MSH5: variants seen among roughly 807,000 people sequenced by gnomAD.
The protein encoded by MSH5 is mutS protein homolog 5.
In MSH5, 78 loss-of-function variants were observed where a neutral mutation model predicts 107.7. The ratio of observed to expected loss-of-function variants is 0.72; its 90% CI spans 0.60 to 0.87. MSH5 has a LOEUF of 0.87. MSH5 is among the 40% of genes least tolerant of loss of function. The pLI is 0.00. For synonymous variants in MSH5, 326 were observed against 399.5 expected, an observed-to-expected ratio of 0.82 and a Z score of 2.19; for missense variants, 889 against 1,046.6, an observed-to-expected ratio of 0.85 and a Z score of 2.08.
At position 31,758,230 on chromosome 6, in the gene MSH5, T is replaced by C. The variant is rs751049998; in HGVS notation, c.1080T>C (p.Phe360=). The change falls in exon 13 of 25, where the codon TTT becomes TTC. Residue 360 remains phenylalanine, a synonymous_variant. Coordinates refer to ENST00000375750, the MANE Select transcript of MSH5 (RefSeq NM_172166.4). The surrounding 1 kb of genome is among the most constrained non-coding windows in gnomAD (Gnocchi z 5.1). ...CRSLPQSIQL[F]RDIAQEFSDD... ...CCCTGCCGCAGTCCATCCAGCTCTT[T>C]CGGGACATTGCCCAAGAGTTCTCTG... The C allele has an allele frequency of 4.3e-6, 7 of 1,612,950 alleles. No homozygotes were observed. The South Asian group carries it at 7.7e-5, about 18-fold the overall frequency.
Position 31,759,829 on chromosome 6 carries a change from GGCACGA to G in MSH5, c.1543_1548del (p.Arg515_Ala516del), listed in dbSNP as rs1447700279. The G allele has an allele frequency of 6.2e-7, 1 of 1,613,786 alleles. No homozygotes were observed. The highest frequency in any genetic ancestry group is 8.5e-7 in the Non-Finnish European group (1 of 1,180,046). The stretch of plus-strand genomic sequence containing the variant: ...TGTACCAGCTACAGTGCCAGGTGCT[GGCACGA>G]GCAGCTGTCTTAACCCGAGTATTGG... On this transcript the variant is annotated inframe_deletion, in exon 18 of 25. Transcript: ENST00000375750. This position sits in a 1 kb window ranked among gnomAD's most constrained non-coding sequence, Gnocchi z 4.7.
At chr6:31,746,107 T>TGTGTGTGTGTGTGTGTGTGTGA (rs1371223486) in intron 9 of MSH5, 1 of 152,158 alleles carries the variant, frequency 6.6e-6, no homozygotes, top group Non-Finnish European at 1.4e-5. Context: ...TGTGTGTGTG[T>TGTGTGTGTGTGTGTGTGTGTGA]GTGTGTGAGA....
chr6:31,758,542 C>T lies in MSH5; in HGVS notation c.1144-6C>T. On this transcript the variant is annotated splice_polypyrimidine_tract_variant and splice_region_variant and intron_variant, in intron 13 of 24. Transcript: ENST00000375750. This position sits in a 1 kb window ranked among gnomAD's most constrained non-coding sequence, Gnocchi z 5.1. ...AGGTCCTAAGAAACAGTACTTATCT[C>T]CTCAGGTGGACTTTGAGGGCAGCCT... 2 of 1,613,234 alleles carry T rather than the reference C, an allele frequency of 1.2e-6. No individual in the cohort carries two copies. The highest frequency in any genetic ancestry group is 1.7e-6 in the Non-Finnish European group (2 of 1,180,006).
At chr6:31,747,248 G>C in intron 9 of MSH5, 139 bp from the exon 10 acceptor site, 2 of 805,878 alleles carry the variant, frequency 2.5e-6, no homozygotes, top group Non-Finnish European at 4.1e-6. Flanking sequence ...ACCAGCTTTG[G>C]CTGCCTTTGT....
Position 31,744,303 on chromosome 6 carries a change from G to C in MSH5, c.647+4G>C. The C allele has an allele frequency of 6.2e-7, 1 of 1,614,120 alleles. No individual in the cohort carries two copies. The highest frequency in any genetic ancestry group is 8.5e-7 in the Non-Finnish European group (1 of 1,180,004). On this transcript the variant is annotated splice_donor_region_variant and intron_variant, in intron 7 of 24. Transcript: ENST00000375750. ...TGGGCTTTAAGAAATTTATGTTGTA[G>C]GTGATTCACCCCAACCCCAACCAAA...
intron 12 of MSH5, chr6:31,753,831 C>T (rs1218201244): frequency 1.3e-5 from 7 of 533,508 alleles, no homozygotes; most frequent in Non-Finnish European, 2.4e-5. Flanking sequence ...TGGGTTCAAG[C>T]AATTCTGCCT....
At chr6:31,745,967 T>C (rs934548724) in intron 9 of MSH5, among the ~76,000 whole-genome samples, 14 of 151,632 alleles carry the variant, frequency 9.2e-5, no homozygotes, top group Admixed American at 5.9e-4. Flanking sequence ...CGGGTTTCAC[T>C]GTGTTAGCCA....
intron 3 of MSH5, among the ~76,000 whole-genome samples, chr6:31,741,516 C>A (rs1448711703): frequency 6.6e-6 from 1 of 152,062 alleles, no homozygotes. Context: ...GTAGCTGGGA[C>A]TACAGGCGTG....
Position 31,760,199 on chromosome 6 carries a change from A to G in MSH5, c.1795A>G (p.Ser599Gly). 1 of 1,606,972 alleles carries G rather than the reference A, an allele frequency of 6.2e-7. No individual in the cohort carries two copies. The highest frequency in any genetic ancestry group is 8.5e-7 in the Non-Finnish European group (1 of 1,176,948). The change falls in exon 19 of 25, where the codon AGC becomes GGC. Residue 599 changes from serine (S) to glycine (G), a missense_variant. Transcript: ENST00000375750. This position sits in a 1 kb window ranked among gnomAD's most constrained non-coding sequence, Gnocchi z 5.6. ...CACTGGACCCAACTCATCAGGGAAG[A>G]GCATATACCTCAAACAGGTGAGGAG... The part of the protein sequence containing the change: ...VITGPNSSGK[S>G]IYLKQVGLIT...
At chr6:31,741,776 A>AG (rs1808936362) in intron 3 of MSH5, among the ~76,000 whole-genome samples, 2 of 152,136 alleles carry the variant, frequency 1.3e-5, no homozygotes, top group Non-Finnish European at 2.9e-5. Flanking sequence ...AAAAAAAAAA[A>AG]AAAGTTTTAT....
chr6:31,760,961 C>A lies in MSH5; in HGVS notation c.1962+122C>A. ...TGCCCTTTATACTAAAAGTGGGGAG[C>A]ACTAAGGTCAGAGATAAGAAGAATC... On this transcript the variant is annotated intron_variant, in intron 20 of 24. Coordinates refer to ENST00000375750, the MANE Select transcript of MSH5 (RefSeq NM_172166.4). The surrounding 1 kb of genome is among the most constrained non-coding windows in gnomAD (Gnocchi z 5.6). 2 of 1,200,090 alleles carry A rather than the reference C, an allele frequency of 1.7e-6. No individual in the cohort carries two copies. Among genetic ancestry groups the A allele is most frequent in the Admixed American group, 2.5e-5 (1 of 39,904 alleles). 74.3% of individuals were successfully genotyped at this position (1,200,090 alleles called of 1,614,324 possible).
At chr6:31,744,842 G>A (rs752551409) in intron 8 of MSH5, among the ~76,000 whole-genome samples, 1 of 152,072 alleles carries the variant, frequency 6.6e-6, no homozygotes, top group African/African-American at 2.4e-5. Flanking sequence ...GGCTGGGCGC[G>A]GTGGCTCATG....
Position 31,758,835 on chromosome 6 carries a change from A to AC in MSH5, c.1287dup (p.Ser430LeufsTer31). The stretch of plus-strand genomic sequence containing the variant: ...GCCCGCAAGGAGCTGGAGAATCTGG[A>AC]CTCCCGTATTCCTTCATGCAGTGTC... On this transcript the variant is annotated frameshift_variant, in exon 15 of 25. Coordinates refer to ENST00000375750, the MANE Select transcript of MSH5 (RefSeq NM_172166.4). LOFTEE classifies it high-confidence loss of function. This position sits in a 1 kb window ranked among gnomAD's most constrained non-coding sequence, Gnocchi z 5.1. 3 of 1,613,826 alleles carry AC rather than the reference A, an allele frequency of 1.9e-6. No homozygotes were observed. The highest frequency in any genetic ancestry group is 2.5e-6 in the Non-Finnish European group (3 of 1,179,936).
Position 31,758,201 on chromosome 6 carries a change from C to T in MSH5, c.1051C>T (p.Arg351Cys), listed in dbSNP as rs28399976. 9 of 1,613,026 alleles carry T rather than the reference C, an allele frequency of 5.6e-6. No homozygotes were observed. Among genetic ancestry groups the T allele is most frequent in the Admixed American group, 3.3e-5 (2 of 60,004 alleles). ...YSALGLRDAC[R>C]SLPQSIQLFR... is the part of the protein sequence containing the mutation. Reference sequence around the variant, plus strand: ...TGCCCTGGGCCTGAGGGATGCCTGCCGCTCCCTGCCGCAGTCCATCCAGCT... The same window carrying T: ...TGCCCTGGGCCTGAGGGATGCCTGCTGCTCCCTGCCGCAGTCCATCCAGCT... Residue 351 changes from arginine (R) to cysteine (C), a missense_variant, in exon 13 of 25, where the codon CGC (arginine) becomes TGC (cysteine). Transcript: ENST00000375750. The surrounding 1 kb of genome is among the most constrained non-coding windows in gnomAD (Gnocchi z 5.1).
chr6:31,751,020 T>A (rs1002275683), intron 10 of MSH5, among the ~76,000 whole-genome samples: 2 of 152,188 alleles, frequency 1.3e-5, no homozygotes, highest in Non-Finnish European at 2.9e-5. Context: ...TTATTTATTT[T>A]TTGAGACAGA....
chr6:31,756,040 T>C (rs1810415963), intron 12 of MSH5, among the ~76,000 whole-genome samples: 1 of 150,442 alleles, frequency 6.6e-6, no homozygotes, highest in Admixed American at 6.6e-5. Context: ...CATGATTAGG[T>C]TCAGAGTTTT....
chr6:31,745,170 C>A, intron 8 of MSH5, 67 bp from the exon 9 acceptor site: 1 of 852,314 alleles, frequency 1.2e-6, no homozygotes. Flanking sequence ...TTCCATTTAT[C>A]AGTCCTCAAT....
intron 9 of MSH5, 92 bp downstream of exon 9, chr6:31,745,411 C>G (rs1030315563): frequency 2.3e-6 from 2 of 853,760 alleles, no homozygotes; most frequent in Non-Finnish European, 3.9e-6. Context: ...CTTCCCACTT[C>G]ACTCCCATTG....
chr6:31,754,482 C>T (rs1810262855), intron 12 of MSH5, among the ~76,000 whole-genome samples: 1 of 152,006 alleles, frequency 6.6e-6, no homozygotes, highest in Non-Finnish European at 1.5e-5. Flanking sequence ...TTTCTACTTT[C>T]CCCTCTTGGA....
Sources: gnomAD v4.1 joint callset for allele counts (sites outside exome capture counted in the v4.1 genomes callset) on GRCh38, gnomAD v4.1.1 for gene constraint, Gnocchi (gnomAD v3.1) non-coding constraint, MANE v1.5 for transcripts, NCBI Gene and HGNC (gene_info 2026-07-23, HGNC 2026-07-21) for gene names.